ITCH: variants seen among roughly 807,000 people sequenced by gnomAD.
ITCH encodes itchy E3 ubiquitin protein ligase.
Under a neutral mutation model 126.8 loss-of-function variants are expected in ITCH, and 28 were observed. The observed-to-expected ratio is 0.22, with a 90% CI of 0.16 to 0.30. The LOEUF is 0.30. Among genes scored for constraint, ITCH ranks in the 10% least tolerant of loss-of-function variants. The pLI, the probability that ITCH is intolerant of heterozygous loss-of-function variation, is 1.00. For missense variants in ITCH, 631 were observed against 1,032.4 expected (o/e 0.61, Z 5.33); for synonymous variants, 342 against 340.0 (o/e 1.01, Z -0.06).
At chr20:34,375,960 A>G (rs2037828695) in intron 2 of ITCH, among the ~76,000 whole-genome samples, 2 of 152,004 alleles carry the variant, frequency 1.3e-5, no homozygotes, top group South Asian at 4.1e-4. Context: ...GACCTTGGGG[A>G]GAGTGCAGAC....
rs1354411406 is a variant in ITCH at position 34,384,232 on chromosome 20, A to C, written c.-21-9559A>C. 3.9e-5 allele frequency: 4 copies of C among 101,740 alleles called. No individual in the cohort carries two copies. In the East Asian group the frequency reaches 1.3e-3, roughly 34 times the overall value. The allele number at this position is 101,740 out of a possible 1,614,324, so 6.3% of individuals were successfully genotyped here. On this transcript the variant is annotated intron_variant, in intron 2 of 24. Coordinates refer to ENST00000374864, the MANE Select transcript of ITCH (RefSeq NM_031483.7). Reference sequence around the variant, plus strand: ...AATCTGTAACTGGTTGTGATCAGTTAGTTGTAAATACCAGTGCAGCAGTTG... The same window carrying C: ...AATCTGTAACTGGTTGTGATCAGTTCGTTGTAAATACCAGTGCAGCAGTTG...
In ITCH at chr20:34,408,760, A is replaced by G. The variant is rs765993734; in HGVS notation, c.180A>G (p.Thr60=). The change falls in exon 4 of 25, where the codon ACA becomes ACG. Residue 60 remains threonine (T), a synonymous_variant. Coordinates refer to ENST00000374864, the MANE Select transcript of ITCH (RefSeq NM_031483.7). ...AGAAGACAGAAAAATGCAACAACAC[A>G]AACAGTCCCAAGTGGAAGCAACCCC... ...QSKKTEKCNN[T]NSPKWKQPLT... is the part of the protein sequence containing the mutation. The G allele has an allele frequency of 1.9e-6, 3 of 1,614,134 alleles. No individual in the cohort carries two copies. In the South Asian group the frequency reaches 3.3e-5, roughly 18 times the overall value.
At chr20:34,479,495 G>A (rs546119831) in intron 17 of ITCH, 135 bp from the exon 18 acceptor site, 2 of 699,516 alleles carry the variant, frequency 2.9e-6, no homozygotes, top group East Asian at 2.7e-5. Context: ...TTGAACAGAA[G>A]CAATAAAAAT....
intron 6 of ITCH, among the ~76,000 whole-genome samples, chr20:34,417,703 C>CTTTTT (rs77967776): frequency 5.5e-5 from 6 of 109,284 alleles, no homozygotes; most frequent in Admixed American, 2.3e-4. Context: ...CCTGGCCCAG[C>CTTTTT]TTTTTTTTTT....
intron 3 of ITCH, among the ~76,000 whole-genome samples, chr20:34,395,075 T>TA (rs2038626711): frequency 6.6e-6 from 1 of 151,446 alleles, no homozygotes; most frequent in Non-Finnish European, 1.5e-5. Context: ...CTATTAAAAA[T>TA]AAAAAAAATT....
At chr20:34,391,202 GA>G (rs2038478594) in intron 2 of ITCH, among the ~76,000 whole-genome samples, 1 of 152,114 alleles carries the variant, frequency 6.6e-6, no homozygotes, top group Admixed American at 6.6e-5. Context: ...AGTCAACAGT[GA>G]TACATGTCCT....
chr20:34,464,223 C>T (rs1288620076), intron 14 of ITCH, among the ~76,000 whole-genome samples: 3 of 151,086 alleles, frequency 2.0e-5, no homozygotes, highest in Non-Finnish European at 4.4e-5. Context: ...CTCCTGACCT[C>T]GTGATCCACC....
intron 7 of ITCH, among the ~76,000 whole-genome samples, chr20:34,431,768 G>T (rs572425589): frequency 6.6e-6 from 1 of 151,890 alleles, no homozygotes; most frequent in Non-Finnish European, 1.5e-5. Flanking sequence ...GGCCGGTGGC[G>T]GTGGCTCACT....
chr20:34,456,200 ATATATATATATATATTTTTTTTT>A (rs1985943370), intron 12 of ITCH, among the ~76,000 whole-genome samples: 1 of 36,650 alleles, frequency 2.7e-5, no homozygotes, highest in Admixed American at 3.5e-4. Context: ...ATATATATAT[ATATATATATATATATTTTTTTTT>A]TTTTTTTTTT....
rs944057431 is a variant in ITCH, at chr20:34,406,124, C to T, written c.71-2527C>T. Reference sequence around the variant, plus strand: ...GCAGCCTTGACCTCCCAGGCTTAAGCGATCCTCCTGCCTCAGCCTCCCCCC... The same window carrying T: ...GCAGCCTTGACCTCCCAGGCTTAAGTGATCCTCCTGCCTCAGCCTCCCCCC... On this transcript the variant is annotated intron_variant, in intron 3 of 24. Transcript: ENST00000374864. 4.6e-5 allele frequency among the ~76,000 whole-genome samples: 7 copies of T among 151,732 alleles called. No homozygotes were observed. The East Asian group carries it at 1.2e-3, about 25-fold the overall frequency.
intron 23 of ITCH, among the ~76,000 whole-genome samples, chr20:34,498,781 C>T (rs1204459804): frequency 6.6e-6 from 1 of 151,674 alleles, no homozygotes. Flanking sequence ...TTCTTTTCCT[C>T]CTTTTTTTTT....
chr20:34,420,404 G>A lies in ITCH; in HGVS notation c.476-4076G>A, dbSNP rs183790085. 5.2e-3 allele frequency among the ~76,000 whole-genome samples: 797 copies of A among 152,292 alleles called. 3 individuals carry two copies. The highest frequency in any genetic ancestry group is 0.011 in the Admixed American group (164 of 15,300). Reference sequence around the variant, plus strand: ...TTCATCCAAGTTGTAGAATGTGTCAGTACTTCCTTTCTTCTTATGGCTGTA... The same window carrying A: ...TTCATCCAAGTTGTAGAATGTGTCAATACTTCCTTTCTTCTTATGGCTGTA... On this transcript the variant is annotated intron_variant, in intron 6 of 24. Coordinates refer to ENST00000374864, the MANE Select transcript of ITCH (RefSeq NM_031483.7).
At chr20:34,427,727 G>T (rs985404773) in intron 7 of ITCH, among the ~76,000 whole-genome samples, 5 of 152,090 alleles carry the variant, frequency 3.3e-5, no homozygotes, top group African/African-American at 1.2e-4. Flanking sequence ...AAGATTTCTT[G>T]AATTCCTGAA....
chr20:34,455,603 CA>C (rs1286100971), intron 12 of ITCH, among the ~76,000 whole-genome samples: 1 of 151,300 alleles, frequency 6.6e-6, no homozygotes, highest in East Asian at 1.9e-4. Flanking sequence ...GCTGGGACTA[CA>C]GGTGCACACC....
chr20:34,468,513 G>A (rs1012837145), intron 14 of ITCH, among the ~76,000 whole-genome samples: 3 of 151,832 alleles, frequency 2.0e-5, no homozygotes, highest in Non-Finnish European at 4.4e-5. Flanking sequence ...AATACAGGCC[G>A]GGCATGGTGG....
At position 34,440,236 on chromosome 20, in the gene ITCH, CA is replaced by C; in HGVS notation, c.764del (p.Asn255IlefsTer10). On this transcript the variant is annotated frameshift_variant, in exon 9 of 25. Transcript: ENST00000374864. LOFTEE classifies it high-confidence loss of function. ...TCTCTGCCGCCGACAAATACAAATACAAATACATCTGAAGGAGCAACATCTG... is the reference window on the plus strand; with the variant it reads ...TCTCTGCCGCCGACAAATACAAATACAATACATCTGAAGGAGCAACATCTG... ...TGSLPPTNTN[T>X]NTSEGATSGL... 1 of 1,613,504 alleles carries C rather than the reference CA, an allele frequency of 6.2e-7. No individual in the cohort carries two copies. Among genetic ancestry groups the C allele is most frequent in the Non-Finnish European group, 8.5e-7 (1 of 1,179,422 alleles).
At chr20:34,365,556 A>C (rs1315002476) in intron 1 of ITCH, among the ~76,000 whole-genome samples, 4 of 152,044 alleles carry the variant, frequency 2.6e-5, no homozygotes, top group African/African-American at 4.8e-5. Flanking sequence ...CTGGGACTAC[A>C]GGCGCGTGCC....
Position 34,423,282 on chromosome 20 carries a change from A to G in ITCH, c.476-1198A>G, listed in dbSNP as rs1981041524. On this transcript the variant is annotated intron_variant, in intron 6 of 24. Coordinates refer to ENST00000374864, the MANE Select transcript of ITCH (RefSeq NM_031483.7). ...ATAGTAATAATTCCATTGTATAGAC[A>G]ACATTTTATTCACATACTATTTAAA... Among the ~76,000 whole-genome samples, 5 of 152,194 alleles carry G rather than the reference A, an allele frequency of 3.3e-5. No homozygotes were observed. In the South Asian group the frequency reaches 1.0e-3, roughly 32 times the overall value.
intron 24 of ITCH, among the ~76,000 whole-genome samples, chr20:34,505,545 C>T (rs938325553): frequency 6.8e-6 from 1 of 146,392 alleles, no homozygotes; most frequent in Non-Finnish European, 1.5e-5. Context: ...ATGAATCATA[C>T]GATAAATATA....
Sources: allele counts gnomAD v4.1 joint callset (sites outside exome capture counted in the v4.1 genomes callset), GRCh38; gene constraint gnomAD v4.1.1; transcripts MANE v1.5; gene names NCBI Gene and HGNC (gene_info 2026-07-23, HGNC 2026-07-21).